The following NSMCE2 variants were observed in gnomAD, a reference collection of about 807,000 sequenced individuals.
The protein encoded by NSMCE2 is E3 SUMO-protein ligase NSE2.
A neutral mutation model predicts 23.8 loss-of-function variants in NSMCE2; 24 were observed. The ratio of observed to expected loss-of-function variants is 1.01; its 90% confidence interval spans 0.73 to 1.42. NSMCE2 has a LOEUF of 1.42. NSMCE2 is among the 40% of genes most tolerant of loss of function. The pLI, the probability that NSMCE2 is intolerant of heterozygous loss-of-function variation, is 0.00. For synonymous variants in NSMCE2, 92 were observed against 94.1 expected, an observed-to-expected ratio of 0.98 and a Z score of 0.13; for missense variants, 284 against 296.5, an observed-to-expected ratio of 0.96 and a Z score of 0.31.
chr8:125,280,464 CTG>C (rs1473139440), intron 5 of NSMCE2, among the ~76,000 whole-genome samples: 1 of 152,350 alleles, frequency 6.6e-6, no homozygotes, highest in South Asian at 2.1e-4. Context: ...TTACTGTCCT[CTG>C]TGCAAACTGC....
intron 5 of NSMCE2, among the ~76,000 whole-genome samples, chr8:125,220,891 A>G (rs781011362): frequency 1.1e-4 from 17 of 152,206 alleles, no homozygotes; most frequent in Non-Finnish European, 1.9e-4. Context: ...TGTGTAATAT[A>G]TAGTTCTTTA....
chr8:125,249,309 G>A (rs916994949), intron 5 of NSMCE2, among the ~76,000 whole-genome samples: 3 of 152,140 alleles, frequency 2.0e-5, no homozygotes, highest in Non-Finnish European at 4.4e-5. Context: ...TCAGAGAGGG[G>A]AGAAATTTCA....
At chr8:125,153,572 G>A (rs1212042631) in intron 4 of NSMCE2, among the ~76,000 whole-genome samples, 2 of 152,106 alleles carry the variant, frequency 1.3e-5, no homozygotes, top group Non-Finnish European at 2.9e-5. Context: ...GGGAGGGGCC[G>A]GGATAATATA....
chr8:125,224,355 G>T (rs1825003396), intron 5 of NSMCE2, among the ~76,000 whole-genome samples: 1 of 152,100 alleles, frequency 6.6e-6, no homozygotes, highest in Non-Finnish European at 1.5e-5. Context: ...TGCTGTTGGG[G>T]TCATATTTAG....
intron 5 of NSMCE2, among the ~76,000 whole-genome samples, chr8:125,190,100 A>C (rs1823282387): frequency 1.3e-5 from 2 of 152,304 alleles, no homozygotes; most frequent in African/African-American, 4.8e-5. Flanking sequence ...GCTGGATTGC[A>C]TCCTGAGAGC....
intron 3 of NSMCE2, among the ~76,000 whole-genome samples, chr8:125,127,924 G>A (rs1049436820): frequency 1.3e-5 from 2 of 152,166 alleles, no homozygotes; most frequent in Non-Finnish European, 2.9e-5. Context: ...CATGAAACAA[G>A]GTTTGTGTTA....
chr8:125,198,997 G>T (rs552601046), intron 5 of NSMCE2, among the ~76,000 whole-genome samples: 1 of 152,280 alleles, frequency 6.6e-6, no homozygotes, highest in African/African-American at 2.4e-5. Flanking sequence ...AGTATTCTCT[G>T]ATGGTAGTTT....
At chr8:125,092,617 G>C (rs1817721380) in intron 1 of NSMCE2, among the ~76,000 whole-genome samples, 2 of 152,178 alleles carry the variant, frequency 1.3e-5, no homozygotes, top group African/African-American at 4.8e-5. Context: ...TCAGAGAGAA[G>C]GGATTATCCT....
chr8:125,207,384 T>TA (rs1169982667), intron 5 of NSMCE2, among the ~76,000 whole-genome samples: 4 of 152,190 alleles, frequency 2.6e-5, no homozygotes, highest in African/African-American at 9.6e-5. Flanking sequence ...GATAATATTT[T>TA]AAAAAATCAG....
chr8:125,312,832 C>CGG (rs1220366172), intron 5 of NSMCE2, among the ~76,000 whole-genome samples: 2 of 151,796 alleles, frequency 1.3e-5, no homozygotes, highest in Non-Finnish European at 2.9e-5. Context: ...ATAAAGAGTA[C>CGG]GGGGCCGGTT....
intron 5 of NSMCE2, among the ~76,000 whole-genome samples, chr8:125,246,265 C>T (rs1825957727): frequency 1.3e-5 from 2 of 151,238 alleles, no homozygotes; most frequent in Non-Finnish European, 2.9e-5. Flanking sequence ...CTCACTGCAA[C>T]CTCCGCCTCC....
intron 5 of NSMCE2, among the ~76,000 whole-genome samples, chr8:125,230,433 A>G (rs941683299): frequency 4.6e-5 from 7 of 152,206 alleles, no homozygotes; most frequent in Admixed American, 4.6e-4. Flanking sequence ...ATGATTTTTT[A>G]AAAACCTTCA....
intron 5 of NSMCE2, among the ~76,000 whole-genome samples, chr8:125,207,385 A>T (rs1054506372): frequency 6.6e-6 from 1 of 152,202 alleles, no homozygotes; most frequent in Non-Finnish European, 1.5e-5. Flanking sequence ...ATAATATTTT[A>T]AAAAATCAGT....
chr8:125,151,154 A>ATT lies in NSMCE2; in HGVS notation c.158-9_158-8dup. On this transcript the variant is annotated splice_polypyrimidine_tract_variant and intron_variant, in intron 3 of 7. Transcript: ENST00000287437. The stretch of plus-strand genomic sequence containing the variant: ...TTTTAAATGGAAAATAATAATTGCA[A>ATT]TTTTTTTTTCTTTCAGCTGAAGTGA... The ATT allele has an allele frequency of 7.2e-7, 1 of 1,387,592 alleles. No homozygotes were observed. The highest frequency in any genetic ancestry group is 1.0e-6 in the Non-Finnish European group (1 of 986,138). 86.0% of individuals were successfully genotyped at this position (1,387,592 alleles called of 1,614,324 possible). A position where few individuals can be genotyped will look rare whatever the true frequency, so the allele number is the denominator to read the frequency against.
chr8:125,321,519 T>TA (rs1829459294), intron 5 of NSMCE2, among the ~76,000 whole-genome samples: 1 of 152,008 alleles, frequency 6.6e-6, no homozygotes, highest in African/African-American at 2.4e-5. Context: ...GAATAGAAAA[T>TA]ATTACCCCAA....
At chr8:125,181,848 A>G (rs1273017555) in intron 4 of NSMCE2, among the ~76,000 whole-genome samples, 4 of 152,194 alleles carry the variant, frequency 2.6e-5, no homozygotes, top group Non-Finnish European at 5.9e-5. Flanking sequence ...ACAACAAGTT[A>G]GTAGGATCAT....
At chr8:125,355,270 A>G (rs1813207406) in intron 5 of NSMCE2, among the ~76,000 whole-genome samples, 1 of 152,164 alleles carries the variant, frequency 6.6e-6, no homozygotes, top group South Asian at 2.1e-4. Flanking sequence ...CCTCTCACAC[A>G]TTGAGGAAAG....
At chr8:125,190,454 ACT>A (rs1045900842) in intron 5 of NSMCE2, among the ~76,000 whole-genome samples, 6 of 151,856 alleles carry the variant, frequency 4.0e-5, no homozygotes, top group African/African-American at 1.4e-4. Context: ...AAGTGTAGCT[ACT>A]CTCTCTCTTC....
chr8:125,353,940 G>GT (rs533223130), intron 5 of NSMCE2, among the ~76,000 whole-genome samples: 166 of 147,300 alleles, frequency 1.1e-3, no homozygotes, highest in Admixed American at 4.1e-3. Context: ...TCAATTTGTT[G>GT]TTTTTTTTTG....
Sources: allele counts gnomAD v4.1 joint callset (sites outside exome capture counted in the v4.1 genomes callset), GRCh38; gene constraint gnomAD v4.1.1; transcripts MANE v1.5; gene names NCBI Gene and HGNC (gene_info 2026-07-23, HGNC 2026-07-21).